Variants in TRAPPC12 observed in about 807,000 individuals in gnomAD.
TRAPPC12 encodes TPR repeat protein 15.
Under a neutral mutation model 69.2 loss-of-function variants are expected in TRAPPC12, and 61 were observed. The ratio of observed to expected loss-of-function variants is 0.88; its 90% CI spans 0.72 to 1.09. TRAPPC12 has a LOEUF of 1.09. Ranked by LOEUF, TRAPPC12 falls within the 50% of genes least tolerant of loss-of-function variation. The pLI is 0.00. For synonymous variants in TRAPPC12, 469 were observed against 438.9 expected, an observed-to-expected ratio of 1.07 and a Z score of -0.86; for missense variants, 1,101 against 1,016.4, an observed-to-expected ratio of 1.08 and a Z score of -1.13.
Position 3,401,787 on chromosome 2 carries a change from T to A in TRAPPC12, c.1058T>A (p.Val353Asp). The change falls in exon 3 of 12, where the codon GTT (valine) becomes GAT (aspartate). Residue 353 changes from valine (V) to aspartate (D), a missense_variant. Physicochemically the swap from Val to Asp is radical, Grantham distance 152. Coordinates refer to ENST00000324266, the MANE Select transcript of TRAPPC12 (RefSeq NM_016030.6). ...LRFDNIQGDA[V>D]KDLMLRFLGE... Reference sequence around the variant, plus strand: ...TTCTATTCTTCCCAGGGAGATGCAGTTAAAGACTTGATGCTTCGCTTTCTG... The same window carrying A: ...TTCTATTCTTCCCAGGGAGATGCAGATAAAGACTTGATGCTTCGCTTTCTG... 1 of 1,585,784 alleles carries A rather than the reference T, an allele frequency of 6.3e-7. No individual in the cohort carries two copies. Among genetic ancestry groups the A allele is most frequent in the African/African-American group, 1.4e-5 (1 of 73,806 alleles).
chr2:3,470,875 CCA>C (rs1473812899), intron 9 of TRAPPC12, among the ~76,000 whole-genome samples: 2 of 152,164 alleles, frequency 1.3e-5, no homozygotes, highest in African/African-American at 4.8e-5. Context: ...CATGCTAACT[CCA>C]GAGATGACCC....
At chr2:3,443,297 G>A (rs773510592) in intron 5 of TRAPPC12, among the ~76,000 whole-genome samples, 6 of 152,232 alleles carry the variant, frequency 3.9e-5, no homozygotes, top group Non-Finnish European at 7.3e-5. Context: ...GCTCAGTTTC[G>A]CCTCCTCCCC....
intron 9 of TRAPPC12, 39 bp from the exon 10 acceptor site, chr2:3,477,656 T>C: frequency 5.4e-6 from 7 of 1,301,348 alleles, no homozygotes; most frequent in Non-Finnish European, 7.7e-6. Context: ...ACTTAATATT[T>C]CTTTTGTCAA....
At chr2:3,438,473 C>T (rs1664000218) in intron 5 of TRAPPC12, among the ~76,000 whole-genome samples, 1 of 141,744 alleles carries the variant, frequency 7.1e-6, no homozygotes. Flanking sequence ...GGATTAATAC[C>T]CCCACCAGCC....
rs540437479 is a variant in TRAPPC12 at position 3,414,675 on chromosome 2, G to A, written c.1165-7206G>A. Among the ~76,000 whole-genome samples, 30 of 152,276 alleles carry A rather than the reference G, an allele frequency of 2.0e-4. No homozygotes were observed. The highest frequency in any genetic ancestry group is 1.7e-3 in the South Asian group (8 of 4,822). On this transcript the variant is annotated intron_variant, in intron 3 of 11. Coordinates refer to ENST00000324266, the MANE Select transcript of TRAPPC12 (RefSeq NM_016030.6). This position sits in a 1 kb window ranked among gnomAD's most constrained non-coding sequence, Gnocchi z 4.9. ...CAGTGTCCTCACAGAGCTGTCAAGC[G>A]TGTCCATGCCGTGCCGCTTGTGCCT...
At chr2:3,451,581 T>C (rs1391701912) in intron 6 of TRAPPC12, among the ~76,000 whole-genome samples, 1 of 152,106 alleles carries the variant, frequency 6.6e-6, no homozygotes, top group Non-Finnish European at 1.5e-5. Context: ...TGGAGTACAG[T>C]GGCATGAACG....
chr2:3,464,181 A>G (rs1306146917), intron 8 of TRAPPC12, among the ~76,000 whole-genome samples: 1 of 150,586 alleles, frequency 6.6e-6, no homozygotes, highest in Non-Finnish European at 1.5e-5. Context: ...CTCATACACA[A>G]TGCTCACACA....
chr2:3,478,952 A>G lies in TRAPPC12; in HGVS notation c.1965+19A>G, dbSNP rs1270427677. 2 of 1,609,554 alleles carry G rather than the reference A, an allele frequency of 1.2e-6. No individual in the cohort carries two copies. Among genetic ancestry groups the G allele is most frequent in the Non-Finnish European group, 1.7e-6 (2 of 1,176,216 alleles). ...CGCAGTGGTAAGATCCCCAAGCTGC[A>G]GGATCCTCCATCCTCTGCCTTTCAC... On this transcript the variant is annotated intron_variant, in intron 11 of 11. Transcript: ENST00000324266.
At chr2:3,468,849 C>T (rs1239650772) in intron 9 of TRAPPC12, among the ~76,000 whole-genome samples, 2 of 152,202 alleles carry the variant, frequency 1.3e-5, no homozygotes, top group African/African-American at 4.8e-5. Context: ...CCCCCAATGC[C>T]GCATCTCAGC....
At chr2:3,421,743 G>C (rs7558487) in intron 3 of TRAPPC12, 138 bp from the exon 4 acceptor site, 493,624 of 787,494 alleles carry the variant, frequency 0.63, 155,941 homozygotes, top group African/African-American at 0.76. Context: ...GCACACTGAC[G>C]TTGTCACCAT....
Position 3,394,808 on chromosome 2 carries a change from G to A in TRAPPC12, c.1047+6138G>A, listed in dbSNP as rs573003066. ...AATTATCCAGCTTGTAAGTAGGTTC[G>A]AAACCCATTTTCTAGTAAATTATGT... On this transcript the variant is annotated intron_variant, in intron 2 of 11. Transcript: ENST00000324266. 1.5e-3 allele frequency among the ~76,000 whole-genome samples: 222 copies of A among 149,040 alleles called. 1 individual carries two copies. Among genetic ancestry groups the A allele is most frequent in the Non-Finnish European group, 1.9e-3 (131 of 67,204 alleles).
intron 3 of TRAPPC12, among the ~76,000 whole-genome samples, chr2:3,405,629 C>T (rs577150236): frequency 6.6e-6 from 1 of 152,300 alleles, no homozygotes; most frequent in East Asian, 1.9e-4. Context: ...CTTCTCTTTC[C>T]AGCAATAACA....
At chr2:3,428,706 C>A (rs1388157552) in intron 5 of TRAPPC12, among the ~76,000 whole-genome samples, 2 of 152,174 alleles carry the variant, frequency 1.3e-5, no homozygotes. Flanking sequence ...CCGTTTCTGA[C>A]CCTGGCGCTG....
chr2:3,430,789 G>T (rs143975724), intron 5 of TRAPPC12, among the ~76,000 whole-genome samples: 67 of 152,328 alleles, frequency 4.4e-4, no homozygotes, highest in African/African-American at 1.6e-3. Context: ...TGCCAAGTAG[G>T]CTGAGACAAG....
chr2:3,439,605 G>GT (rs1664084118), intron 5 of TRAPPC12, among the ~76,000 whole-genome samples: 1 of 152,172 alleles, frequency 6.6e-6, no homozygotes, highest in Admixed American at 6.5e-5. Flanking sequence ...TCAGATAGGT[G>GT]TTTTACAGCT....
chr2:3,411,813 A>G (rs995966031), intron 3 of TRAPPC12, among the ~76,000 whole-genome samples: 2 of 152,232 alleles, frequency 1.3e-5, no homozygotes, highest in African/African-American at 4.8e-5. Context: ...TTCTGAAGTC[A>G]AAGGCTGTTC....
intron 3 of TRAPPC12, among the ~76,000 whole-genome samples, chr2:3,408,923 T>C (rs538259560): frequency 3.9e-5 from 6 of 152,340 alleles, no homozygotes; most frequent in South Asian, 2.1e-4. Context: ...CACGTGCACC[T>C]GTTCCCACAC....
chr2:3,412,382 T>C (rs1285811274), intron 3 of TRAPPC12, among the ~76,000 whole-genome samples: 1 of 152,028 alleles, frequency 6.6e-6, no homozygotes, highest in East Asian at 1.9e-4. Flanking sequence ...GCCAACATGG[T>C]GAAACCCCAT....
At chr2:3,458,334 C>T in intron 7 of TRAPPC12, 2 of 986,168 alleles carry the variant, frequency 2.0e-6, no homozygotes, top group Non-Finnish European at 2.4e-6. Flanking sequence ...ACCCTAGCCT[C>T]ACTCCCTCAC....
Sources: gnomAD v4.1 joint callset for allele counts (sites outside exome capture counted in the v4.1 genomes callset) on GRCh38, gnomAD v4.1.1 for gene constraint, Gnocchi (gnomAD v3.1) non-coding constraint, MANE v1.5 for transcripts, NCBI Gene and HGNC (gene_info 2026-07-23, HGNC 2026-07-21) for gene names.